PIK3CB: variants seen among roughly 807,000 people sequenced by gnomAD.
PIK3CB encodes the protein phosphatidylinositol-4,5-bisphosphate 3-kinase catalytic subunit beta, also known as phosphatidylinositol 4,5-bisphosphate 3-kinase catalytic subunit beta isoform.
A neutral mutation model predicts 136.8 loss-of-function variants in PIK3CB; 39 were observed. The observed-to-expected ratio is 0.29, with a 90% CI of 0.22 to 0.37. The LOEUF is 0.37. Ranked by LOEUF, PIK3CB falls within the 10% of genes least tolerant of loss-of-function variation. The pLI, the probability that PIK3CB is intolerant of heterozygous loss-of-function variation, is 1.00. For missense variants in PIK3CB, 868 were observed against 1,275.4 expected (o/e 0.68, Z 4.87); for synonymous variants, 428 against 436.6 (o/e 0.98, Z 0.25).
intron 1 of PIK3CB, among the ~76,000 whole-genome samples, chr3:138,823,427 G>A (rs1453170915): frequency 4.0e-5 from 6 of 151,340 alleles, no homozygotes; most frequent in South Asian, 4.2e-4. Flanking sequence ...AGCAACGGTC[G>A]GGCAAGGTGG....
Position 138,742,771 on chromosome 3 carries a change from T to C in PIK3CB, c.408A>G (p.Glu136=). ...IGVLIGKGLH[E]FDSLKDPEVN... The stretch of plus-strand genomic sequence containing the variant: ...CTTCAGGATCCTTCAAGGAATCAAA[T>C]TCATGCAGACCTAAACACATTTTTT... The change falls in exon 5 of 24, where the codon GAA becomes GAG. Residue 136 remains glutamate (E), a synonymous_variant. Coordinates refer to ENST00000674063, the MANE Select transcript of PIK3CB (RefSeq NM_006219.3). The C allele has an allele frequency of 6.2e-7, 1 of 1,602,334 alleles. No homozygotes were observed. The highest frequency in any genetic ancestry group is 1.1e-5 in the South Asian group (1 of 90,216).
intron 1 of PIK3CB, among the ~76,000 whole-genome samples, chr3:138,818,613 T>C (rs1933431939): frequency 6.6e-6 from 1 of 152,132 alleles, no homozygotes; most frequent in African/African-American, 2.4e-5. Context: ...TTTTGGCTCA[T>C]CTTACACCCT....
intron 14 of PIK3CB, among the ~76,000 whole-genome samples, 161 bp from the exon 15 acceptor site, chr3:138,691,304 A>C (rs1362927993): frequency 6.6e-6 from 1 of 152,168 alleles, no homozygotes; most frequent in Non-Finnish European, 1.5e-5. Flanking sequence ...ACAATATCAC[A>C]AAAAAAGCTG....
intron 19 of PIK3CB, among the ~76,000 whole-genome samples, chr3:138,676,330 AGAAT>A (rs1213311683): frequency 6.6e-6 from 1 of 152,354 alleles, no homozygotes; most frequent in East Asian, 1.9e-4. Flanking sequence ...AGTGTTGGTG[AGAAT>A]GAAGAGAAAT....
chr3:138,755,606 T>C, intron 4 of PIK3CB, 148 bp downstream of exon 4: 3 of 504,238 alleles, frequency 5.9e-6, no homozygotes, highest in Admixed American at 3.5e-5. Context: ...ATTTCTATAC[T>C]TACCTTATCT....
At chr3:138,714,006 T>A (rs377726964) in intron 9 of PIK3CB, among the ~76,000 whole-genome samples, 3 of 152,226 alleles carry the variant, frequency 2.0e-5, no homozygotes, top group Non-Finnish European at 4.4e-5. Flanking sequence ...AATATTAACA[T>A]GTTTGATGAC....
In PIK3CB at chr3:138,755,780, G is replaced by A; in HGVS notation, c.371C>T (p.Ser124Leu). ...RSCDPGEKLD[S>L]KIGVLIGKGL... is the part of the protein sequence containing the mutation. ...TTTTCCTATAAGGACTCCAATTTTT[G>A]AGTCTAATTTTTCCCCTGGGTCACA... is the stretch of plus-strand genomic sequence containing the variant. Residue 124 changes from serine to leucine, a missense_variant, in exon 4 of 24, where the codon TCA (serine) becomes TTA (leucine). Physicochemically the swap from Ser to Leu is moderately radical, Grantham distance 145. Transcript: ENST00000674063. 6.3e-7 allele frequency: 1 copy of A among 1,598,822 alleles called. No homozygotes were observed. Among genetic ancestry groups the A allele is most frequent in the Non-Finnish European group, 8.6e-7 (1 of 1,168,374 alleles).
Position 138,796,453 on chromosome 3 carries a change from G to C in PIK3CB, c.-17+10C>G, listed in dbSNP as rs1207165694. 1.3e-5 allele frequency: 2 copies of C among 150,456 alleles called. No homozygotes were observed. Among genetic ancestry groups the C allele is most frequent in the Non-Finnish European group, 3.0e-5 (2 of 67,732 alleles). 9.3% of individuals were successfully genotyped at this position (150,456 alleles called of 1,614,324 possible). ...TATAAGTAATTAAAAATACAAAATT[G>C]GATACTTACCTAAGAATGGTCGCCC... On this transcript the variant is annotated intron_variant, in intron 2 of 23. Transcript: ENST00000674063.
At position 138,724,576 on chromosome 3, in the gene PIK3CB, T is replaced by C. The variant is rs577458292; in HGVS notation, c.1050+8785A>G. ...TGAAAGTTCCAATCCTCTATTCACG[T>C]GGTTGGTTTCTCTGGCAACCGGCTC... is the stretch of plus-strand genomic sequence containing the variant. On this transcript the variant is annotated intron_variant, in intron 8 of 23. Coordinates refer to ENST00000674063, the MANE Select transcript of PIK3CB (RefSeq NM_006219.3). Among the ~76,000 whole-genome samples, 14 of 152,298 alleles carry C rather than the reference T, an allele frequency of 9.2e-5. No homozygotes were observed. In the South Asian group the frequency reaches 2.9e-3, roughly 32 times the overall value.
At chr3:138,789,085 T>C (rs552402480) in intron 2 of PIK3CB, among the ~76,000 whole-genome samples, 66 of 146,258 alleles carry the variant, frequency 4.5e-4, no homozygotes, top group African/African-American at 1.6e-3. Context: ...CTGGTGCAAA[T>C]ATAAAATGGT....
chr3:138,829,656 G>C (rs1933938044), intron 1 of PIK3CB, among the ~76,000 whole-genome samples: 1 of 152,000 alleles, frequency 6.6e-6, no homozygotes, highest in Non-Finnish European at 1.5e-5. Context: ...GCGTGGTGGC[G>C]TGCGCCTATA....
At chr3:138,665,712 G>A (rs1272561177) in intron 19 of PIK3CB, among the ~76,000 whole-genome samples, 1 of 152,086 alleles carries the variant, frequency 6.6e-6, no homozygotes, top group Non-Finnish European at 1.5e-5. Context: ...GGGACTACAG[G>A]CATGTGCCAC....
chr3:138,824,265 C>T, intron 1 of PIK3CB, among the ~76,000 whole-genome samples: 1 of 152,102 alleles, frequency 6.6e-6, no homozygotes, highest in South Asian at 2.1e-4. Context: ...TCAGCATTTG[C>T]CTGGTGGTCT....
chr3:138,695,412 C>T (rs2044114716), intron 13 of PIK3CB, among the ~76,000 whole-genome samples: 2 of 152,278 alleles, frequency 1.3e-5, no homozygotes, highest in Non-Finnish European at 2.9e-5. Flanking sequence ...AGCTTGTTGG[C>T]TATCTTGTGG....
At chr3:138,721,235 T>G (rs1055111717) in intron 8 of PIK3CB, among the ~76,000 whole-genome samples, 11 of 152,118 alleles carry the variant, frequency 7.2e-5, no homozygotes, top group African/African-American at 2.7e-4. Context: ...TGATCTCGGC[T>G]CACTGCAACA....
intron 21 of PIK3CB, among the ~76,000 whole-genome samples, chr3:138,660,863 C>A (rs1274043453): frequency 2.0e-5 from 3 of 152,184 alleles, no homozygotes; most frequent in African/African-American, 7.2e-5. Context: ...GCTGACCATT[C>A]ATATTTAACA....
intron 19 of PIK3CB, among the ~76,000 whole-genome samples, chr3:138,665,696 G>A (rs2043394514): frequency 6.6e-6 from 1 of 152,078 alleles, no homozygotes; most frequent in African/African-American, 2.4e-5. Context: ...AGCCTCCTGA[G>A]TAGCTGGGAC....
At chr3:138,799,907 G>A (rs1241678399) in intron 1 of PIK3CB, among the ~76,000 whole-genome samples, 2 of 151,988 alleles carry the variant, frequency 1.3e-5, no homozygotes, top group African/African-American at 2.4e-5. Flanking sequence ...TCGAACTCCT[G>A]TGCTCAAGAG....
At chr3:138,732,720 G>GAAAAAA (rs68137286) in intron 8 of PIK3CB, among the ~76,000 whole-genome samples, 216 of 108,200 alleles carry the variant, frequency 2.0e-3, no homozygotes, top group East Asian at 3.2e-3. Flanking sequence ...GGAAAGAAAA[G>GAAAAAA]AAAAAAAAAA....
Sources: allele counts gnomAD v4.1 joint callset (sites outside exome capture counted in the v4.1 genomes callset), GRCh38; gene constraint gnomAD v4.1.1; transcripts MANE v1.5; gene names NCBI Gene and HGNC (gene_info 2026-07-23, HGNC 2026-07-21).